Variants in KDM1B observed in about 807,000 individuals in gnomAD.
KDM1B encodes lysine-specific histone demethylase 2.
KDM1B carries 63 observed loss-of-function variants against 107.4 expected under a neutral mutation model. The ratio of observed to expected loss-of-function variants is 0.59; its 90% CI spans 0.48 to 0.72. KDM1B has a LOEUF of 0.72. Ranked by LOEUF, KDM1B falls within the 30% of genes least tolerant of loss-of-function variation. The probability of loss-of-function intolerance (pLI) is 0.00; values close to 1 mark genes in which losing one functional copy is unlikely to be tolerated. For missense variants in KDM1B, 749 were observed against 1,020.8 expected, an observed-to-expected ratio of 0.73 and a Z score of 3.63; for synonymous variants, 363 against 363.9, an observed-to-expected ratio of 1.00 and a Z score of 0.03.
chr6:18,212,518 C>A lies in KDM1B; in HGVS notation c.1897C>A (p.Gln633Lys). 2 of 1,613,854 alleles carry A rather than the reference C, an allele frequency of 1.2e-6. No individual in the cohort carries two copies. Among genetic ancestry groups the A allele is most frequent in the Non-Finnish European group, 1.7e-6 (2 of 1,179,726 alleles). ...VLVTVPLALL[Q>K]KGAIQFNPPL... Reference sequence around the variant, plus strand: ...AGTCACTGTACCACTGGCTTTACTACAGAAAGGTGCCATTCAGTTTAATCC... The same window carrying A: ...AGTCACTGTACCACTGGCTTTACTAAAGAAAGGTGCCATTCAGTTTAATCC... The change falls in exon 18 of 22, where the codon CAG becomes AAG. Residue 633 changes from glutamine (Q) to lysine (K), a missense_variant. By Grantham distance (53) the Gln-to-Lys change is moderately conservative (BLOSUM62 1). Coordinates refer to ENST00000650836, the MANE Select transcript of KDM1B (RefSeq NM_001364614.2). The surrounding 1 kb of genome is among the most constrained non-coding windows in gnomAD (Gnocchi z 5.2).
In KDM1B at chr6:18,162,876, C is replaced by T; in HGVS notation, c.257C>T (p.Ser86Phe). The T allele has an allele frequency of 6.2e-7, 1 of 1,612,536 alleles. No individual in the cohort carries two copies. Among genetic ancestry groups the T allele is most frequent in the Middle Eastern group, 1.7e-4 (1 of 6,060 alleles). Residue 86 changes from serine to phenylalanine, a missense_variant, in exon 5 of 22, where the codon TCC becomes TTC. Coordinates refer to ENST00000650836, the MANE Select transcript of KDM1B (RefSeq NM_001364614.2). This position sits in a 1 kb window ranked among gnomAD's most constrained non-coding sequence, Gnocchi z 4.1. ...NGYTSRWYHL[S>F]CGEHFCNECF... ...TACACCTCCCGATGGTATCATCTCT[C>T]CTGTGGGGAACATTTCTGTAATGAA...
chr6:18,162,988 G>C lies in KDM1B; in HGVS notation c.305+64G>C. 1 of 959,374 alleles carries C rather than the reference G, an allele frequency of 1.0e-6. No individual in the cohort carries two copies. The highest frequency in any genetic ancestry group is 2.4e-5 in the East Asian group (1 of 41,816). The allele number at this position is 959,374 out of a possible 1,614,324, so 59.4% of individuals were successfully genotyped here. A position where few individuals can be genotyped will look rare whatever the true frequency, so the allele number is the denominator to read the frequency against. ...GGACCGTGGCAGGGGCAGTGCGTGT[G>C]GTCAGCTGATTAAAGCTTAGTCTCG... On this transcript the variant is annotated intron_variant, in intron 5 of 21. Coordinates refer to ENST00000650836, the MANE Select transcript of KDM1B (RefSeq NM_001364614.2). This position sits in a 1 kb window ranked among gnomAD's most constrained non-coding sequence, Gnocchi z 4.1.
At position 18,176,387 on chromosome 6, in the gene KDM1B, A is replaced by G. The variant is rs562301187; in HGVS notation, c.534+4908A>G. On this transcript the variant is annotated intron_variant, in intron 7 of 21. Transcript: ENST00000650836. ...CTTAGGATTTTCGGGGTAAACGATCATATCATCAGCAAACAGTGACAGTTT... is the reference window on the plus strand; with the variant it reads ...CTTAGGATTTTCGGGGTAAACGATCGTATCATCAGCAAACAGTGACAGTTT... 3.5e-4 allele frequency among the ~76,000 whole-genome samples: 54 copies of G among 152,308 alleles called. 1 individual carries two copies. Among genetic ancestry groups the G allele is most frequent in the Non-Finnish European group, 6.2e-4 (42 of 68,016 alleles).
chr6:18,196,036 T>G (rs1282616634), intron 10 of KDM1B, among the ~76,000 whole-genome samples: 1 of 152,178 alleles, frequency 6.6e-6, no homozygotes, highest in East Asian at 1.9e-4. Context: ...TTTCTGCTTC[T>G]GTGAGTTGGG....
intron 6 of KDM1B, among the ~76,000 whole-genome samples, chr6:18,169,875 TAAAC>T (rs1785543048): frequency 6.6e-6 from 1 of 152,174 alleles, no homozygotes; most frequent in African/African-American, 2.4e-5. Context: ...TTTTAAAAAA[TAAAC>T]TTTATTTTGG....
Position 18,161,385 on chromosome 6 carries a change from A to G in KDM1B, c.146A>G (p.Lys49Arg). The change falls in exon 4 of 22, where the codon AAG becomes AGG. Residue 49 changes from lysine (K) to arginine (R), a missense_variant. Lys to Arg is a conservative substitution (Grantham distance 26). Transcript: ENST00000650836. The part of the protein sequence containing the change: ...DEDEDGGSEK[K>R]YRKCEKAGCT... ...GATGAAGATGGTGGCTCAGAGAAGA[A>G]GTACAGGAAATGTGAAAAGGCAGGC... 6.2e-7 allele frequency: 1 copy of G among 1,614,080 alleles called. No individual in the cohort carries two copies. The highest frequency in any genetic ancestry group is 8.5e-7 in the Non-Finnish European group (1 of 1,179,972).
At position 18,204,287 on chromosome 6, in the gene KDM1B, C is replaced by G. The variant is rs1276673690; in HGVS notation, c.1532-1250C>G. Among the ~76,000 whole-genome samples, 2 of 152,032 alleles carry G rather than the reference C, an allele frequency of 1.3e-5. No homozygotes were observed. The highest frequency in any genetic ancestry group is 4.8e-5 in the African/African-American group (2 of 41,400). On this transcript the variant is annotated intron_variant, in intron 14 of 21. Transcript: ENST00000650836. The surrounding 1 kb of genome is among the most constrained non-coding windows in gnomAD (Gnocchi z 4.9). ...ATTTCTTGAGCTCAGGAGTTTGAGACCAGCCTGGGCAACATGGTGAAACCC... is the reference window on the plus strand; with the variant it reads ...ATTTCTTGAGCTCAGGAGTTTGAGAGCAGCCTGGGCAACATGGTGAAACCC...
rs1177850023 is a variant in KDM1B, at chr6:18,169,234, A to ATT, written c.418-2114_418-2113dup. The stretch of plus-strand genomic sequence containing the variant: ...AGTTGTAAGAATTATATATATATAA[A>ATT]TTTTTTTTTTTTTTTTGAGATGGAG... On this transcript the variant is annotated intron_variant, in intron 6 of 21. Coordinates refer to ENST00000650836, the MANE Select transcript of KDM1B (RefSeq NM_001364614.2). 6.7e-3 allele frequency among the ~76,000 whole-genome samples: 938 copies of ATT among 140,380 alleles called. 12 individuals are homozygous for ATT. The highest frequency in any genetic ancestry group is 0.024 in the African/African-American group (879 of 37,326). 92.1% of individuals were successfully genotyped at this position (140,380 alleles called of 152,430 possible). A position where few individuals can be genotyped will look rare whatever the true frequency, so the allele number is the denominator to read the frequency against.
intron 7 of KDM1B, among the ~76,000 whole-genome samples, chr6:18,184,752 T>TG (rs1205434283): frequency 1.5e-5 from 2 of 135,502 alleles, no homozygotes; most frequent in African/African-American, 5.3e-5. Context: ...TTTTTTTTTT[T>TG]TTTTTTTTAA....
At position 18,222,436 on chromosome 6, in the gene KDM1B, A is replaced by G. The variant is rs1789828406; in HGVS notation, c.*444A>G. ...TGACAATTTATCAGTATCTTTACCA[A>G]TGAGCCTTAATTTTTATATAGGTCC... On this transcript the variant is annotated 3_prime_UTR_variant, in exon 22 of 22. Transcript: ENST00000650836. 2 of 287,666 alleles carry G rather than the reference A, an allele frequency of 7.0e-6. No individual in the cohort carries two copies. The highest frequency in any genetic ancestry group is 1.4e-5 in the Non-Finnish European group (2 of 146,578). The allele number at this position is 287,666 out of a possible 1,614,324, so 17.8% of individuals were successfully genotyped here. A position where few individuals can be genotyped will look rare whatever the true frequency, so the allele number is the denominator to read the frequency against.
At chr6:18,167,256 C>T (rs1254847522) in intron 6 of KDM1B, among the ~76,000 whole-genome samples, 1 of 151,230 alleles carries the variant, frequency 6.6e-6, no homozygotes. Context: ...ACTTGGGAGG[C>T]TGAGGCAGGA....
chr6:18,189,000 T>C lies in KDM1B; in HGVS notation c.784+998T>C, dbSNP rs551491966. ...GGTTTCATCATGTTGCCCAGGCTGG[T>C]CTCGAACTTCTGACCTCAAGTGATC... On this transcript the variant is annotated intron_variant, in intron 9 of 21. Coordinates refer to ENST00000650836, the MANE Select transcript of KDM1B (RefSeq NM_001364614.2). Among the ~76,000 whole-genome samples, 5 of 152,056 alleles carry C rather than the reference T, an allele frequency of 3.3e-5. No homozygotes were observed. In the East Asian group the frequency reaches 7.7e-4, roughly 23 times the overall value.
rs145157377 is a variant in KDM1B at position 18,205,343 on chromosome 6, A to T, written c.1532-194A>T. Among the ~76,000 whole-genome samples, 975 of 151,642 alleles carry T rather than the reference A, an allele frequency of 6.4e-3. 7 individuals carry two copies. The highest frequency in any genetic ancestry group is 0.022 in the African/African-American group (897 of 41,356). On this transcript the variant is annotated intron_variant, in intron 14 of 21. Coordinates refer to ENST00000650836, the MANE Select transcript of KDM1B (RefSeq NM_001364614.2). This position sits in a 1 kb window ranked among gnomAD's most constrained non-coding sequence, Gnocchi z 5.7. ...CTTAAAGTATAATAATAATAAAATTAAAAAAAAAGATAAACTTTCTCTTCC... is the reference window on the plus strand; with the variant it reads ...CTTAAAGTATAATAATAATAAAATTTAAAAAAAAGATAAACTTTCTCTTCC...
rs1392080065 is a variant in KDM1B at position 18,155,740 on chromosome 6, C to T, written c.-57-143C>T. 4 of 152,382 alleles carry T rather than the reference C, an allele frequency of 2.6e-5. No individual in the cohort carries two copies. Among genetic ancestry groups the T allele is most frequent in the African/African-American group, 7.2e-5 (3 of 41,454 alleles). 9.4% of individuals were successfully genotyped at this position (152,382 alleles called of 1,614,324 possible). A position where few individuals can be genotyped will look rare whatever the true frequency, so the allele number is the denominator to read the frequency against. ...TGCCCCAGGGACGGATACCTCCTGC[C>T]CCGGATTAAAAGAGGGTGCGGGGTG... On this transcript the variant is annotated intron_variant, in intron 1 of 21. Transcript: ENST00000650836. The surrounding 1 kb of genome is among the most constrained non-coding windows in gnomAD (Gnocchi z 6.2).
chr6:18,190,559 G>A (rs1247440450), intron 9 of KDM1B, among the ~76,000 whole-genome samples: 4 of 151,454 alleles, frequency 2.6e-5, no homozygotes, highest in Non-Finnish European at 5.9e-5. Context: ...CCGAGATCGC[G>A]CCACTGAACT....
intron 7 of KDM1B, among the ~76,000 whole-genome samples, chr6:18,177,056 C>T (rs1325419516): frequency 1.3e-5 from 2 of 152,132 alleles, no homozygotes. Flanking sequence ...ACCAATTCTT[C>T]AAATGTCTGG....
chr6:18,208,617 ATATATATATATTTTTTTTTTTTTTTT>A (rs1561949582), intron 17 of KDM1B, among the ~76,000 whole-genome samples: 1 of 34,932 alleles, frequency 2.9e-5, no homozygotes, highest in African/African-American at 1.0e-4. Context: ...ATATATATAT[ATATATATATATTTTTTTTTTTTTTTT>A]TTTTTTTTTT....
At position 18,213,909 on chromosome 6, in the gene KDM1B, C is replaced by T; in HGVS notation, c.2109+128C>T. The T allele has an allele frequency of 9.8e-7, 1 of 1,017,884 alleles. No homozygotes were observed. The highest frequency in any genetic ancestry group is 1.5e-6 in the Non-Finnish European group (1 of 679,788). The allele number at this position is 1,017,884 out of a possible 1,614,324, so 63.1% of individuals were successfully genotyped here. ...GAGACCCTGGGTCTATGTTTATATT[C>T]TGGGAGGACACTTGGACTGGACATT... On this transcript the variant is annotated intron_variant, in intron 19 of 21. Coordinates refer to ENST00000650836, the MANE Select transcript of KDM1B (RefSeq NM_001364614.2). This position sits in a 1 kb window ranked among gnomAD's most constrained non-coding sequence, Gnocchi z 5.9.
intron 6 of KDM1B, among the ~76,000 whole-genome samples, chr6:18,170,158 G>C (rs1785562222): frequency 6.6e-6 from 1 of 152,126 alleles, no homozygotes; most frequent in Admixed American, 6.5e-5. Flanking sequence ...TGATTCACCT[G>C]CCTCAGCCTC....
Sources: allele counts gnomAD v4.1 joint callset (sites outside exome capture counted in the v4.1 genomes callset), GRCh38; gene constraint gnomAD v4.1.1; non-coding constraint Gnocchi (gnomAD v3.1); transcripts MANE v1.5; gene names NCBI Gene and HGNC (gene_info 2026-07-23, HGNC 2026-07-21).